SLC9A7: variants seen among roughly 807,000 people sequenced by gnomAD.
The protein encoded by SLC9A7 is solute carrier family 9 member A7.
SLC9A7 carries 19 observed loss-of-function variants against 52.6 expected under a neutral mutation model. The observed-to-expected ratio is 0.36, with a 90% CI of 0.25 to 0.53. The LOEUF (loss-of-function observed/expected upper bound fraction) is 0.53. SLC9A7 is among the 20% of genes least tolerant of loss of function. The probability of loss-of-function intolerance (pLI) is 0.91; values close to 1 mark genes in which losing one functional copy is unlikely to be tolerated. For synonymous variants in SLC9A7, 226 were observed against 252.1 expected, an observed-to-expected ratio of 0.90 and a Z score of 0.98; for missense variants, 455 against 597.9, an observed-to-expected ratio of 0.76 and a Z score of 2.49.
intron 1 of SLC9A7, among the ~76,000 whole-genome samples, chrX:46,699,403 T>C (rs960408773): frequency 4.5e-5 from 5 of 111,609 alleles, no homozygotes; most frequent in African/African-American, 9.8e-5. Context: ...CCCATTCTAA[T>C]GTTGAATGGA....
intron 4 of SLC9A7, among the ~76,000 whole-genome samples, chrX:46,671,963 A>G (rs1213286080): frequency 8.9e-6 from 1 of 112,167 alleles, no homozygotes; most frequent in African/African-American, 3.2e-5. Flanking sequence ...TACATAAAGT[A>G]TTTGGAATTC....
chrX:46,672,482 G>A (rs1944040318), intron 4 of SLC9A7, 69 bp downstream of exon 4: 1 of 829,782 alleles, frequency 1.2e-6, no homozygotes. Context: ...ACTGGACTCT[G>A]TGGACCCAAA....
At position 46,623,221 on chromosome X, in the gene SLC9A7, C is replaced by T. The variant is rs762492106; in HGVS notation, c.1741-2162G>A. Among the ~76,000 whole-genome samples the T allele has an allele frequency of 6.3e-5, 7 of 111,658 alleles. No individual in the cohort carries two copies. The East Asian group carries it at 1.4e-3, about 23-fold the overall frequency. ...CATTGAGAGCCCTTCCTGTGGGCTC[C>T]GAACAGCACCGGACTGAGGAAGGGT... is the stretch of plus-strand genomic sequence containing the variant. On this transcript the variant is annotated intron_variant, in intron 14 of 16. Coordinates refer to ENST00000616978, the MANE Select transcript of SLC9A7 (RefSeq NM_001257291.2).
At chrX:46,622,353 G>A (rs1031301381) in intron 14 of SLC9A7, among the ~76,000 whole-genome samples, 2 of 112,029 alleles carry the variant, frequency 1.8e-5, no homozygotes. Flanking sequence ...ACTCTGGGAA[G>A]ATTCCAAAAT....
intron 1 of SLC9A7, among the ~76,000 whole-genome samples, chrX:46,736,033 C>T (rs1231521552): frequency 1.8e-5 from 2 of 111,626 alleles, no homozygotes; most frequent in Admixed American, 9.6e-5. Flanking sequence ...GGTTTGGCAT[C>T]TGTCACTAAT....
intron 1 of SLC9A7, among the ~76,000 whole-genome samples, chrX:46,700,089 C>T (rs1944507773): frequency 9.4e-6 from 1 of 106,280 alleles, no homozygotes; most frequent in Admixed American, 1.0e-4. Context: ...TGAGTGACAG[C>T]GAAACCTTGT....
intron 16 of SLC9A7, 61 bp downstream of exon 16, chrX:46,613,228 C>T: frequency 1.2e-6 from 1 of 832,106 alleles, no homozygotes; most frequent in Non-Finnish European, 1.7e-6. Context: ...TTTCTTCTTC[C>T]TACGTAAGAC....
intron 14 of SLC9A7, among the ~76,000 whole-genome samples, chrX:46,622,751 G>A (rs1205542829): frequency 8.9e-6 from 1 of 111,762 alleles, no homozygotes; most frequent in Non-Finnish European, 1.9e-5. Context: ...TTTAAAAAAA[G>A]AAAGCTACAA....
chrX:46,707,551 G>A (rs769765019), intron 1 of SLC9A7, among the ~76,000 whole-genome samples: 3 of 112,129 alleles, frequency 2.7e-5, no homozygotes, highest in Admixed American at 9.4e-5. Flanking sequence ...CTGACTACAT[G>A]GGCAAAATGT....
At chrX:46,640,250 C>T (rs1315599156) in intron 12 of SLC9A7, among the ~76,000 whole-genome samples, 2 of 111,886 alleles carry the variant, frequency 1.8e-5, no homozygotes, top group African/African-American at 6.5e-5. Flanking sequence ...AGAAAGACAC[C>T]CCCATGCATA....
Position 46,599,430 on chromosome X carries a change from A to G in SLC9A7, c.*7522T>C, listed in dbSNP as rs1942625039. 1 of 112,230 alleles carries G rather than the reference A, an allele frequency of 8.9e-6. No individual in the cohort carries two copies. The highest frequency in any genetic ancestry group is 1.9e-5 in the Non-Finnish European group (1 of 53,299). 9.2% of individuals were successfully genotyped at this position (112,230 alleles called of 1,213,427 possible). ...TAGTATCACACTACAGCCTTCTACC[A>G]ACAGATGATACTTTACTTTAAAATA... is the stretch of plus-strand genomic sequence containing the variant. On this transcript the variant is annotated 3_prime_UTR_variant, in exon 17 of 17. Transcript: ENST00000616978.
At chrX:46,625,866 G>A (rs1327919934) in intron 14 of SLC9A7, among the ~76,000 whole-genome samples, 1 of 112,154 alleles carries the variant, frequency 8.9e-6, no homozygotes, top group African/African-American at 3.2e-5. Flanking sequence ...ACAACCACAT[G>A]GAACTGAATT....
chrX:46,705,467 C>A (rs186519421), intron 1 of SLC9A7, among the ~76,000 whole-genome samples: 72 of 112,340 alleles, frequency 6.4e-4, no homozygotes, highest in Admixed American at 2.9e-3. Context: ...AAGATCTTGG[C>A]TGGGTGTGGT....
At position 46,704,891 on chromosome X, in the gene SLC9A7, T is replaced by G. The variant is rs772954696; in HGVS notation, c.326-22356A>C. Among the ~76,000 whole-genome samples the G allele has an allele frequency of 9.9e-5, 11 of 110,909 alleles. No homozygotes were observed. In the East Asian group the frequency reaches 3.1e-3, roughly 31 times the overall value. On this transcript the variant is annotated intron_variant, in intron 1 of 16. Coordinates refer to ENST00000616978, the MANE Select transcript of SLC9A7 (RefSeq NM_001257291.2). The stretch of plus-strand genomic sequence containing the variant: ...CTACCTGCCAACACACTACTGACAA[T>G]AAAGCCAACCAGGCTGTAACAACCA...
rs747089870 is a variant in SLC9A7, at chrX:46,643,325, C to T, written c.1527G>A (p.Met509Ile). 8.3e-7 allele frequency: 1 copy of T among 1,211,297 alleles called. No homozygotes were observed. The highest frequency in any genetic ancestry group is 1.1e-6 in the Non-Finnish European group (1 of 895,083). The change falls in exon 12 of 17, where the codon ATG becomes ATA. Residue 509 changes from methionine to isoleucine, a missense_variant. Met to Ile is a conservative substitution (Grantham distance 10). Coordinates refer to ENST00000616978, the MANE Select transcript of SLC9A7 (RefSeq NM_001257291.2). The stretch of plus-strand genomic sequence containing the variant: ...CAATGAGAAGGGTGGTCGTGAACAT[C>T]ATCTGGCGAGCATAGGATGCCGTGT... ...IRDTASYARQ[M>I]MFTTTLLIVF... is the part of the protein sequence containing the mutation.
At chrX:46,673,793 CT>C (rs751199544) in intron 3 of SLC9A7, among the ~76,000 whole-genome samples, 2 of 111,333 alleles carry the variant, frequency 1.8e-5, no homozygotes, top group African/African-American at 6.5e-5. Context: ...GTGCTTGCCC[CT>C]ATCTGAGTCA....
intron 7 of SLC9A7, 43 bp downstream of exon 7, chrX:46,661,973 C>CA (rs1943830761): frequency 1.8e-6 from 2 of 1,112,602 alleles, no homozygotes; most frequent in African/African-American, 3.7e-5. Flanking sequence ...TGTAATGCCA[C>CA]ACACGCATAC....
At chrX:46,689,064 A>T (rs1602232982) in intron 1 of SLC9A7, among the ~76,000 whole-genome samples, 1 of 111,271 alleles carries the variant, frequency 9.0e-6, no homozygotes, top group African/African-American at 3.3e-5. Context: ...ACACATATAG[A>T]TTCATGTAAG....
chrX:46,660,489 G>T (rs371452461), intron 7 of SLC9A7, among the ~76,000 whole-genome samples: 2,672 of 104,902 alleles, frequency 0.025, 115 homozygotes, highest in South Asian at 0.069. Context: ...AGGGCTAATA[G>T]CCAGAATCTA....
Sources: gnomAD v4.1 joint callset for allele counts (sites outside exome capture counted in the v4.1 genomes callset) on GRCh38, gnomAD v4.1.1 for gene constraint, MANE v1.5 for transcripts, NCBI Gene and HGNC (gene_info 2026-07-23, HGNC 2026-07-21) for gene names.